IFT52: variants seen among roughly 807,000 people sequenced by gnomAD.
IFT52 encodes intraflagellar transport protein 52 homolog.
IFT52 carries 44 observed loss-of-function variants against 54.4 expected under a neutral mutation model. That is an observed-to-expected ratio of 0.81 (90% CI 0.63 to 1.04). The LOEUF (loss-of-function observed/expected upper bound fraction) is 1.04, where lower values mean the gene tolerates loss of function less well. Among genes scored for constraint, IFT52 ranks in the 50% least tolerant of loss-of-function variants. The probability of loss-of-function intolerance (pLI) is 0.00; values close to 1 mark genes in which losing one functional copy is unlikely to be tolerated. For missense variants in IFT52, 452 were observed against 523.6 expected (o/e 0.86, Z 1.33); for synonymous variants, 181 against 185.3 (o/e 0.98, Z 0.19).
Position 43,602,143 on chromosome 20 carries a change from T to TTTTATTTA in IFT52, c.208-1585_208-1578dup, listed in dbSNP as rs1555801613. On this transcript the variant is annotated intron_variant, in intron 3 of 13. Transcript: ENST00000373030. The stretch of plus-strand genomic sequence containing the variant: ...GAAATGGACTTTGAGCTGATTTTTA[T>TTTTATTTA]TTTATTTATTTATTTATTTATTTAT... Among the ~76,000 whole-genome samples the TTTTATTTA allele has an allele frequency of 1.0e-2, 1,452 of 145,608 alleles. 18 individuals are homozygous for TTTTATTTA. The highest frequency in any genetic ancestry group is 0.024 in the African/African-American group (939 of 38,800).
rs1320124278 is a variant in IFT52 at position 43,594,941 on chromosome 20, T to C, written c.119+124T>C. 17 of 681,432 alleles carry C rather than the reference T, an allele frequency of 2.5e-5. No homozygotes were observed. The East Asian group carries it at 4.1e-4, about 16-fold the overall frequency. The allele number at this position is 681,432 out of a possible 1,614,324, so 42.2% of individuals were successfully genotyped here. A position where few individuals can be genotyped will look rare whatever the true frequency, so the allele number is the denominator to read the frequency against. ...TGGGAGAAGCTCAATTTAAAGATTA[T>C]TCAGAATTAGGTCTGGCGTGGTGGC... On this transcript the variant is annotated intron_variant, in intron 2 of 13. Transcript: ENST00000373030.
intron 4 of IFT52, 127 bp downstream of exon 4, chr20:43,604,016 T>G: frequency 1.1e-6 from 1 of 920,010 alleles, no homozygotes; most frequent in Non-Finnish European, 1.7e-6. Flanking sequence ...TAATGTTCCA[T>G]TCTCATCAGC....
At chr20:43,622,370 G>A (rs563821968) in intron 9 of IFT52, among the ~76,000 whole-genome samples, 3 of 152,170 alleles carry the variant, frequency 2.0e-5, no homozygotes, top group Middle Eastern at 3.4e-3. Flanking sequence ...AGGCCGAGGC[G>A]GGCGGATCAC....
intron 7 of IFT52, among the ~76,000 whole-genome samples, chr20:43,615,813 G>A (rs1166663893): frequency 6.6e-6 from 1 of 152,166 alleles, no homozygotes; most frequent in East Asian, 1.9e-4. Flanking sequence ...GTGGTGGCAC[G>A]CGCCTGTAAT....
At chr20:43,622,684 A>AT (rs200156564) in intron 9 of IFT52, among the ~76,000 whole-genome samples, 81 of 136,416 alleles carry the variant, frequency 5.9e-4, no homozygotes, top group African/African-American at 1.5e-3. Flanking sequence ...ATATATACAT[A>AT]TTTTATGTAA....
chr20:43,620,606 A>G (rs1479880629), intron 8 of IFT52, among the ~76,000 whole-genome samples: 1 of 152,210 alleles, frequency 6.6e-6, no homozygotes, highest in Non-Finnish European at 1.5e-5. Context: ...CAGTGAGCCA[A>G]GATTGCGCCA....
At chr20:43,626,829 A>G (rs968746793) in intron 10 of IFT52, among the ~76,000 whole-genome samples, 8 of 152,088 alleles carry the variant, frequency 5.3e-5, no homozygotes, top group African/African-American at 2.4e-5. Context: ...AGGACCATCT[A>G]TTGAGCCCTG....
At chr20:43,619,519 A>G (rs1984109147) in intron 8 of IFT52, among the ~76,000 whole-genome samples, 1 of 152,140 alleles carries the variant, frequency 6.6e-6, no homozygotes, top group Admixed American at 6.6e-5. Context: ...GGCAGCCTAG[A>G]GCCAATTAGG....
At chr20:43,625,877 T>C (rs1225433750) in intron 10 of IFT52, among the ~76,000 whole-genome samples, 1 of 151,588 alleles carries the variant, frequency 6.6e-6, no homozygotes, top group Non-Finnish European at 1.5e-5. Flanking sequence ...GGAGCAAGAA[T>C]GGAGGTAGGG....
intron 6 of IFT52, among the ~76,000 whole-genome samples, chr20:43,608,185 A>T (rs1019212852): frequency 6.6e-6 from 1 of 151,920 alleles, no homozygotes; most frequent in Non-Finnish European, 1.5e-5. Context: ...GGAGAGGGAG[A>T]GGGAGTGGGA....
At chr20:43,620,972 C>A in intron 9 of IFT52, 47 bp downstream of exon 9, 1 of 1,298,842 alleles carries the variant, frequency 7.7e-7, no homozygotes, top group Non-Finnish European at 1.1e-6. Context: ...ATGAGTCCAG[C>A]TTCTCAGTAC....
At chr20:43,610,670 C>T (rs953815798) in intron 6 of IFT52, among the ~76,000 whole-genome samples, 4 of 151,010 alleles carry the variant, frequency 2.6e-5, no homozygotes, top group African/African-American at 7.3e-5. Flanking sequence ...ACCCGGGAGG[C>T]GGAGCTTGCA....
At chr20:43,615,153 C>T (rs1475303109) in intron 7 of IFT52, among the ~76,000 whole-genome samples, 1 of 152,072 alleles carries the variant, frequency 6.6e-6, no homozygotes, top group South Asian at 2.1e-4. Flanking sequence ...TCTCTGCCTC[C>T]CGCCTCAGCC....
chr20:43,612,223 T>G (rs1983507751), intron 6 of IFT52, among the ~76,000 whole-genome samples: 1 of 152,110 alleles, frequency 6.6e-6, no homozygotes, highest in East Asian at 1.9e-4. Flanking sequence ...ACTGCTTGTT[T>G]TCTTCTGCTT....
At chr20:43,614,222 G>A (rs1180800024) in intron 7 of IFT52, among the ~76,000 whole-genome samples, 1 of 151,998 alleles carries the variant, frequency 6.6e-6, no homozygotes, top group Non-Finnish European at 1.5e-5. Context: ...ACTGTAGCAT[G>A]AGGCTACCTG....
chr20:43,592,310 C>T (rs772648165), intron 1 of IFT52, among the ~76,000 whole-genome samples: 55 of 150,482 alleles, frequency 3.7e-4, no homozygotes, highest in Admixed American at 1.8e-3. Context: ...GCCTGGGTGA[C>T]AGAGCAAGAC....
chr20:43,607,531 G>A (rs1297666968), intron 6 of IFT52, among the ~76,000 whole-genome samples: 57 of 150,758 alleles, frequency 3.8e-4, no homozygotes, highest in Non-Finnish European at 7.2e-4. Flanking sequence ...CATCCCAGAC[G>A]GGGCGGCGTG....
intron 3 of IFT52, among the ~76,000 whole-genome samples, chr20:43,596,973 C>G (rs1013934299): frequency 1.3e-5 from 2 of 151,616 alleles, no homozygotes; most frequent in African/African-American, 4.8e-5. Context: ...AAACTCCTGA[C>G]CTTGTGATCT....
intron 6 of IFT52, among the ~76,000 whole-genome samples, chr20:43,607,207 G>T (rs1159772780): frequency 7.3e-6 from 1 of 136,970 alleles, no homozygotes; most frequent in Non-Finnish European, 1.6e-5. Flanking sequence ...CTGGCCGGGC[G>T]GGGGGCTGAC....
Sources: allele counts gnomAD v4.1 joint callset (sites outside exome capture counted in the v4.1 genomes callset), GRCh38; gene constraint gnomAD v4.1.1; transcripts MANE v1.5; gene names NCBI Gene and HGNC (gene_info 2026-07-23, HGNC 2026-07-21).